Variants in GALNT14 observed in about 807,000 individuals in gnomAD.
GALNT14 encodes the protein polypeptide N-acetylgalactosaminyltransferase 14.
GALNT14 carries 60 observed loss-of-function variants against 77.5 expected under a neutral mutation model. The ratio of observed to expected loss-of-function variants is 0.77; its 90% CI spans 0.63 to 0.96. The LOEUF is 0.96. GALNT14 is among the 40% of genes least tolerant of loss of function. The pLI, the probability that GALNT14 is intolerant of heterozygous loss-of-function variation, is 0.00. For synonymous variants in GALNT14, 280 were observed against 281.7 expected, an observed-to-expected ratio of 0.99 and a Z score of 0.06; for missense variants, 710 against 731.0, an observed-to-expected ratio of 0.97 and a Z score of 0.33.
intron 1 of GALNT14, among the ~76,000 whole-genome samples, chr2:31,049,761 G>C (rs900116404): frequency 4.6e-5 from 7 of 152,190 alleles, no homozygotes; most frequent in African/African-American, 1.7e-4. Flanking sequence ...CTTCACTGGG[G>C]ATTCTGCTCA....
At chr2:31,049,940 G>A (rs758297098) in intron 1 of GALNT14, among the ~76,000 whole-genome samples, 1 of 152,122 alleles carries the variant, frequency 6.6e-6, no homozygotes, top group Admixed American at 6.5e-5. Context: ...GCAAAGTATG[G>A]AAAAGTATGG....
intron 2 of GALNT14, among the ~76,000 whole-genome samples, chr2:30,978,491 G>T (rs1347362254): frequency 6.6e-6 from 1 of 152,176 alleles, no homozygotes; most frequent in African/African-American, 2.4e-5. Context: ...ACATATATAT[G>T]GTGCCTCCCA....
At chr2:31,108,269 A>C (rs1223779199) in intron 1 of GALNT14, among the ~76,000 whole-genome samples, 1 of 152,230 alleles carries the variant, frequency 6.6e-6, no homozygotes, top group Non-Finnish European at 1.5e-5. Flanking sequence ...TACATCAGTC[A>C]CAAATATTGC....
intron 8 of GALNT14, among the ~76,000 whole-genome samples, chr2:30,943,535 C>T (rs747038259): frequency 6.6e-6 from 1 of 152,160 alleles, no homozygotes; most frequent in Non-Finnish European, 1.5e-5. Flanking sequence ...AGAGCTATCC[C>T]ACAAGAAGAG....
At chr2:31,050,838 G>A (rs1158304190) in intron 1 of GALNT14, among the ~76,000 whole-genome samples, 1 of 150,556 alleles carries the variant, frequency 6.6e-6, no homozygotes, top group Non-Finnish European at 1.5e-5. Context: ...CATGACAGCT[G>A]TTGGCATTTG....
intron 2 of GALNT14, among the ~76,000 whole-genome samples, chr2:30,966,916 G>T (rs1668045990): frequency 6.6e-6 from 1 of 152,116 alleles, no homozygotes; most frequent in Admixed American, 6.5e-5. Context: ...TTACATCTGG[G>T]GTAATTTCAA....
At chr2:31,075,942 G>C (rs1199352057) in intron 1 of GALNT14, among the ~76,000 whole-genome samples, 3 of 152,196 alleles carry the variant, frequency 2.0e-5, no homozygotes, top group Non-Finnish European at 2.9e-5. Context: ...GCTGCATCTG[G>C]TTGTTTGGCA....
chr2:31,093,341 G>A (rs1239486104), intron 1 of GALNT14, among the ~76,000 whole-genome samples: 1 of 152,204 alleles, frequency 6.6e-6, no homozygotes, highest in African/African-American at 2.4e-5. Flanking sequence ...CTACAGATTA[G>A]TCTCATTTTG....
chr2:31,088,220 TG>T (rs2148594492), intron 1 of GALNT14, among the ~76,000 whole-genome samples: 1 of 152,246 alleles, frequency 6.6e-6, no homozygotes, highest in Admixed American at 6.5e-5. Flanking sequence ...AGGAACATGA[TG>T]GGGACATGAT....
chr2:31,010,239 C>G (rs1408291481), intron 1 of GALNT14, among the ~76,000 whole-genome samples: 1 of 152,164 alleles, frequency 6.6e-6, no homozygotes, highest in Non-Finnish European at 1.5e-5. Flanking sequence ...CCACCTGCCT[C>G]AGCCTCCCAA....
intron 1 of GALNT14, among the ~76,000 whole-genome samples, chr2:31,084,238 G>A (rs1285906792): frequency 3.9e-5 from 6 of 152,228 alleles, no homozygotes; most frequent in Non-Finnish European, 7.3e-5. Context: ...CAGAGAGGTG[G>A]AAACTGAGGC....
intron 1 of GALNT14, among the ~76,000 whole-genome samples, chr2:30,994,545 C>A (rs1669905825): frequency 6.6e-6 from 1 of 152,166 alleles, no homozygotes; most frequent in Non-Finnish European, 1.5e-5. Flanking sequence ...AGATTTTTAT[C>A]CAATAATTGA....
chr2:31,119,972 A>C lies in GALNT14; in HGVS notation c.129+17986T>G, dbSNP rs905521560. Among the ~76,000 whole-genome samples the C allele has an allele frequency of 3.6e-5, 3 of 82,890 alleles. 1 individual carries two copies. Among genetic ancestry groups the C allele is most frequent in the East Asian group, 5.5e-4 (2 of 3,624 alleles). The allele number at this position is 82,890 out of a possible 152,430, so 54.4% of individuals were successfully genotyped here. A position where few individuals can be genotyped will look rare whatever the true frequency, so the allele number is the denominator to read the frequency against. On this transcript the variant is annotated intron_variant, in intron 1 of 14. Transcript: ENST00000349752. ...GAGATCGAGACCATCCTGGCTAACA[A>C]GGTGAAACCCCGTCTCTACTAAAAA... is the stretch of plus-strand genomic sequence containing the variant.
At chr2:30,997,615 T>G (rs951001466) in intron 1 of GALNT14, among the ~76,000 whole-genome samples, 1 of 152,222 alleles carries the variant, frequency 6.6e-6, no homozygotes, top group African/African-American at 2.4e-5. Flanking sequence ...TGACTAGAAT[T>G]TATTCAACCT....
chr2:31,098,946 T>TGAG (rs1384511648), intron 1 of GALNT14, among the ~76,000 whole-genome samples: 2 of 151,922 alleles, frequency 1.3e-5, no homozygotes, highest in Non-Finnish European at 2.9e-5. Context: ...TACAGTAGGC[T>TGAG]GAGGAGGAGG....
At chr2:30,896,598 A>T in the GALNT14 span, among the ~76,000 whole-genome samples, 16 of 152,176 alleles carry the variant, frequency 1.1e-4, no homozygotes, top group Admixed American at 1.3e-4. Context: ...AATGCTGGGG[A>T]CCAAGCAAGC....
intron 1 of GALNT14, among the ~76,000 whole-genome samples, chr2:31,034,222 G>T (rs922126730): frequency 6.6e-6 from 1 of 152,032 alleles, no homozygotes; most frequent in Non-Finnish European, 1.5e-5. Context: ...GACCCTCTAC[G>T]CCACTATTCC....
chr2:31,024,108 C>A (rs1056336826), intron 1 of GALNT14, among the ~76,000 whole-genome samples: 4 of 152,010 alleles, frequency 2.6e-5, no homozygotes, highest in African/African-American at 9.7e-5. Flanking sequence ...AAGGCATCAC[C>A]CTTGACTCCT....
At position 30,916,088 on chromosome 2, in the gene GALNT14, C is replaced by A. The variant is rs141837940; in HGVS notation, c.1381-3746G>T. Among the ~76,000 whole-genome samples the A allele has an allele frequency of 3.7e-4, 57 of 152,310 alleles. 1 individual carries two copies. In the East Asian group the frequency reaches 0.011, roughly 29 times the overall value. On this transcript the variant is annotated intron_variant, in intron 13 of 14. Transcript: ENST00000349752. ...TAGCAGGAGACAAGATAAGAGTAATCACCCCAGCACCTGGACCCATCTAGA... is the reference window on the plus strand; with the variant it reads ...TAGCAGGAGACAAGATAAGAGTAATAACCCCAGCACCTGGACCCATCTAGA...
Sources: gnomAD v4.1 joint callset for allele counts (sites outside exome capture counted in the v4.1 genomes callset) on GRCh38, gnomAD v4.1.1 for gene constraint, MANE v1.5 for transcripts, NCBI Gene and HGNC (gene_info 2026-07-23, HGNC 2026-07-21) for gene names.